The following PNPT1 variants were observed in gnomAD, a reference collection of about 807,000 sequenced individuals.
The protein encoded by PNPT1 is polyribonucleotide nucleotidyltransferase 1, also known as polyribonucleotide nucleotidyltransferase 1, mitochondrial.
In PNPT1, 53 loss-of-function variants were observed where a neutral mutation model predicts 119.5. That is an observed-to-expected ratio of 0.44 (90% CI 0.36 to 0.56). PNPT1 has a LOEUF of 0.56. Ranked by LOEUF, PNPT1 falls within the 20% of genes least tolerant of loss-of-function variation. The probability of loss-of-function intolerance (pLI) is 0.00; values close to 1 mark genes in which losing one functional copy is unlikely to be tolerated. For synonymous variants in PNPT1, 357 were observed against 322.1 expected, an observed-to-expected ratio of 1.11 and a Z score of -1.16; for missense variants, 948 against 938.5, an observed-to-expected ratio of 1.01 and a Z score of -0.13.
intron 8 of PNPT1, among the ~76,000 whole-genome samples, chr2:55,679,478 A>G (rs1225361127): frequency 6.6e-6 from 1 of 152,190 alleles, no homozygotes; most frequent in Non-Finnish European, 1.5e-5. Context: ...ATATTTTTGT[A>G]TATTCTAAAT....
chr2:55,690,327 A>T (rs1697550283), intron 1 of PNPT1, among the ~76,000 whole-genome samples: 1 of 118,888 alleles, frequency 8.4e-6, no homozygotes, highest in African/African-American at 3.3e-5. Flanking sequence ...GATGAAACCA[A>T]GTCAGTGACC....
At chr2:55,658,507 TAC>T (rs1291756040) in intron 15 of PNPT1, among the ~76,000 whole-genome samples, 1 of 152,198 alleles carries the variant, frequency 6.6e-6, no homozygotes, top group Non-Finnish European at 1.5e-5. Context: ...CTTTGTTTTA[TAC>T]AGTTTTCAGT....
chr2:55,644,636 C>A lies in PNPT1; in HGVS notation c.1906+1G>T. On this transcript the variant is annotated splice_donor_variant, in intron 23 of 27. Transcript: ENST00000447944. LOFTEE classifies it high-confidence loss of function. The stretch of plus-strand genomic sequence containing the variant: ...AACCCCAAACTTCATACAACTCTTA[C>A]CTGTTTCAGCCTGAAGTTTTTTTAA... The A allele has an allele frequency of 6.2e-7, 1 of 1,601,178 alleles. No homozygotes were observed. The highest frequency in any genetic ancestry group is 8.6e-7 in the Non-Finnish European group (1 of 1,168,818).
chr2:55,678,617 T>C (rs916060422), intron 8 of PNPT1, among the ~76,000 whole-genome samples: 1 of 152,192 alleles, frequency 6.6e-6, no homozygotes, highest in Admixed American at 6.6e-5. Context: ...CGAGGCCACA[T>C]CTTGAGGATA....
intron 26 of PNPT1, 123 bp from the exon 27 acceptor site, chr2:55,637,722 C>T (rs1189496112): frequency 1.8e-5 from 14 of 796,536 alleles, no homozygotes; most frequent in South Asian, 9.9e-5. Context: ...AGCGGCTGGG[C>T]GCAGTGGCTC....
At chr2:55,681,620 G>C (rs1012085262) in intron 5 of PNPT1, among the ~76,000 whole-genome samples, 2 of 150,676 alleles carry the variant, frequency 1.3e-5, no homozygotes, top group African/African-American at 4.9e-5. Context: ...CGAGGCAGGT[G>C]GATCACTTGA....
chr2:55,671,393 G>T lies in PNPT1; in HGVS notation c.919-17C>A. 1.3e-6 allele frequency: 2 copies of T among 1,487,680 alleles called. No homozygotes were observed. The highest frequency in any genetic ancestry group is 1.8e-6 in the Non-Finnish European group (2 of 1,100,692). The allele number at this position is 1,487,680 out of a possible 1,614,324, so 92.2% of individuals were successfully genotyped here. Reference sequence around the variant, plus strand: ...TCTGGAAACCTAAAAGAAAGTTGAGGTTCAGTTATTACATATACATGACAA... The same window carrying T: ...TCTGGAAACCTAAAAGAAAGTTGAGTTTCAGTTATTACATATACATGACAA... On this transcript the variant is annotated splice_polypyrimidine_tract_variant and intron_variant, in intron 10 of 27. Coordinates refer to ENST00000447944, the MANE Select transcript of PNPT1 (RefSeq NM_033109.5).
intron 18 of PNPT1, among the ~76,000 whole-genome samples, chr2:55,650,430 C>T (rs1696139221): frequency 6.6e-6 from 1 of 152,234 alleles, no homozygotes. Flanking sequence ...CAGACGGAGT[C>T]TCGTTCACTC....
intron 1 of PNPT1, among the ~76,000 whole-genome samples, chr2:55,692,815 A>G (rs1182684368): frequency 6.6e-6 from 1 of 152,076 alleles, no homozygotes; most frequent in Non-Finnish European, 1.5e-5. Context: ...GGATGACATG[A>G]TATCTTGTAC....
intron 18 of PNPT1, among the ~76,000 whole-genome samples, chr2:55,651,107 G>A (rs1278105942): frequency 1.3e-5 from 2 of 148,478 alleles, no homozygotes; most frequent in Admixed American, 6.6e-5. Flanking sequence ...CAGCCGCCCC[G>A]TCCGGGAGGT....
At chr2:55,675,957 G>C (rs1198374393) in intron 8 of PNPT1, among the ~76,000 whole-genome samples, 1 of 152,068 alleles carries the variant, frequency 6.6e-6, no homozygotes, top group Non-Finnish European at 1.5e-5. Context: ...AAACATAAAA[G>C]CTTGTCAAAA....
rs190008936 is a variant in PNPT1 at position 55,681,013 on chromosome 2, G to A, written c.454-95C>T. ...GAGCACTATATGGCTAAAAGCAGGG[G>A]CTTTGTAGCCAAACCTCTTAATTTT... On this transcript the variant is annotated intron_variant, in intron 5 of 27. Coordinates refer to ENST00000447944, the MANE Select transcript of PNPT1 (RefSeq NM_033109.5). 1.3e-4 allele frequency: 118 copies of A among 943,700 alleles called. No homozygotes were observed. In the East Asian group the frequency reaches 2.8e-3, roughly 23 times the overall value. 58.5% of individuals were successfully genotyped at this position (943,700 alleles called of 1,614,324 possible).
chr2:55,681,030 C>A (rs1697230144), intron 5 of PNPT1, 112 bp from the exon 6 acceptor site: 1 of 812,766 alleles, frequency 1.2e-6, no homozygotes, highest in Non-Finnish European at 2.0e-6. Context: ...AGCCAAACCT[C>A]TTAATTTTGG....
At chr2:55,687,777 TA>T in intron 1 of PNPT1, 72 bp from the exon 2 acceptor site, 1 of 1,195,802 alleles carries the variant, frequency 8.4e-7, no homozygotes, top group South Asian at 1.6e-5. Context: ...TATAAAATAA[TA>T]AAAGATTCTA....
chr2:55,685,509 T>A (rs951581163), intron 3 of PNPT1, among the ~76,000 whole-genome samples: 2 of 151,702 alleles, frequency 1.3e-5, no homozygotes, highest in African/African-American at 4.8e-5. Context: ...CTAGCCTGGG[T>A]GACAGAGCAA....
intron 11 of PNPT1, among the ~76,000 whole-genome samples, chr2:55,670,887 T>C (rs553698748): frequency 6.6e-6 from 1 of 152,204 alleles, no homozygotes; most frequent in South Asian, 2.1e-4. Context: ...AGTAACCTTG[T>C]GAGCTATCAT....
rs938033053 is a variant in PNPT1 at position 55,667,878 on chromosome 2, A to T, written c.1057T>A (p.Leu353Met). The T allele has an allele frequency of 6.3e-7, 1 of 1,598,788 alleles. No individual in the cohort carries two copies. Among genetic ancestry groups the T allele is most frequent in the African/African-American group, 1.4e-5 (1 of 73,496 alleles). ...TATGTTTACCTTTTGTATTCATTCA[A>T]AACAATACTTCTAAAAACTTCCTTT... ...VAKEVFRSIV[L>M]NEYKRCDGRD... Residue 353 changes from leucine (L) to methionine (M), a missense_variant, in exon 12 of 28, where the codon TTG (leucine) becomes ATG (methionine). Leu to Met is a conservative substitution (Grantham distance 15). Coordinates refer to ENST00000447944, the MANE Select transcript of PNPT1 (RefSeq NM_033109.5).
Position 55,693,780 on chromosome 2 carries a change from G to A in PNPT1, c.44C>T (p.Pro15Leu), listed in dbSNP as rs762690760. 1.2e-6 allele frequency: 2 copies of A among 1,613,950 alleles called. No homozygotes were observed. The highest frequency in any genetic ancestry group is 3.3e-5 in the Admixed American group (2 of 60,008). ...RYCCSCLRLR[P>L]LSDGPFLLPR... ...CAGAAGGAAAGGACCATCGCTCAGG[G>A]GCCGGAGCCGGAGGCACGAGCAGCA... The change falls in exon 1 of 28, where the codon CCC (proline) becomes CTC (leucine). Residue 15 changes from proline to leucine, a missense_variant. By Grantham distance (98) the Pro-to-Leu change is moderately conservative. Coordinates refer to ENST00000447944, the MANE Select transcript of PNPT1 (RefSeq NM_033109.5).
Position 55,640,700 on chromosome 2 carries a change from G to T in PNPT1, c.2075C>A (p.Thr692Asn). ...TGGATATAATTTTACCATTACACCA[G>T]TATCTCTACAAAAAAATAAATAGTA... ...YTATITEIRD[T>N]GVMVKLYPNM... is the part of the protein sequence containing the mutation. Residue 692 changes from threonine (T) to asparagine (N), a missense_variant, in exon 26 of 28, where the codon ACT becomes AAT. Coordinates refer to ENST00000447944, the MANE Select transcript of PNPT1 (RefSeq NM_033109.5). 1 of 1,561,004 alleles carries T rather than the reference G, an allele frequency of 6.4e-7. No individual in the cohort carries two copies. Among genetic ancestry groups the T allele is most frequent in the South Asian group, 1.1e-5 (1 of 89,776 alleles).
Sources: gnomAD v4.1 joint callset for allele counts (sites outside exome capture counted in the v4.1 genomes callset) on GRCh38, gnomAD v4.1.1 for gene constraint, MANE v1.5 for transcripts, NCBI Gene and HGNC (gene_info 2026-07-23, HGNC 2026-07-21) for gene names.